Variants in GLG1 observed in about 807,000 individuals in gnomAD.
GLG1 encodes the protein golgi glycoprotein 1, also known as Golgi apparatus protein 1.
A neutral mutation model predicts 160.5 loss-of-function variants in GLG1; 38 were observed. The observed-to-expected ratio is 0.24, with a 90% CI of 0.18 to 0.31. The LOEUF (loss-of-function observed/expected upper bound fraction) is 0.31. Among genes scored for constraint, GLG1 ranks in the 10% least tolerant of loss-of-function variants. The pLI is 1.00. For synonymous variants in GLG1, 644 were observed against 543.4 expected, an observed-to-expected ratio of 1.19 and a Z score of -2.57; for missense variants, 1,373 against 1,505.2, an observed-to-expected ratio of 0.91 and a Z score of 1.45.
chr16:74,574,093 T>A (rs1275296394), intron 1 of GLG1, among the ~76,000 whole-genome samples: 1 of 152,200 alleles, frequency 6.6e-6, no homozygotes, highest in African/African-American at 2.4e-5. Flanking sequence ...ACACTTATTA[T>A]CTCTGTAATA....
intron 1 of GLG1, among the ~76,000 whole-genome samples, chr16:74,556,438 T>G (rs931914251): frequency 1.7e-4 from 26 of 152,170 alleles, no homozygotes; most frequent in African/African-American, 6.3e-4. Flanking sequence ...ACAATTTATT[T>G]AAACCAACTT....
At chr16:74,510,254 C>T (rs2143499272) in intron 2 of GLG1, among the ~76,000 whole-genome samples, 1 of 152,182 alleles carries the variant, frequency 6.6e-6, no homozygotes, top group South Asian at 2.1e-4. Context: ...TGGTCTTGAA[C>T]TCCTGCCCTC....
chr16:74,599,826 T>C (rs974054844), intron 1 of GLG1, among the ~76,000 whole-genome samples: 5 of 150,826 alleles, frequency 3.3e-5, no homozygotes, highest in African/African-American at 1.2e-4. Flanking sequence ...ATCGCGCCAC[T>C]GCACTCCAGC....
intron 1 of GLG1, among the ~76,000 whole-genome samples, chr16:74,597,234 C>T (rs1177486311): frequency 6.6e-6 from 1 of 151,480 alleles, no homozygotes; most frequent in Non-Finnish European, 1.5e-5. Context: ...AGATCAAGAC[C>T]AGCATGTCCA....
intron 4 of GLG1, among the ~76,000 whole-genome samples, 161 bp downstream of exon 4, chr16:74,503,370 C>G (rs1370375925): frequency 1.3e-5 from 2 of 152,144 alleles, no homozygotes; most frequent in African/African-American, 4.8e-5. Context: ...ACATGAAATA[C>G]ATTGTCAACC....
At chr16:74,542,013 C>G (rs1436002415) in intron 1 of GLG1, among the ~76,000 whole-genome samples, 1 of 142,166 alleles carries the variant, frequency 7.0e-6, no homozygotes, top group African/African-American at 2.6e-5. Flanking sequence ...TATTTTTCCC[C>G]CTTCCACTGT....
intron 1 of GLG1, among the ~76,000 whole-genome samples, chr16:74,584,927 C>CAACA (rs1447732752): frequency 8.3e-6 from 1 of 120,252 alleles, no homozygotes; most frequent in African/African-American, 3.3e-5. Flanking sequence ...AAACAAACAA[C>CAACA]AAAAAAACCC....
At chr16:74,595,260 G>C (rs549688432) in intron 1 of GLG1, among the ~76,000 whole-genome samples, 2 of 149,582 alleles carry the variant, frequency 1.3e-5, no homozygotes, top group South Asian at 4.3e-4. Context: ...GAAGGGCTCT[G>C]GGTGTGGTGG....
At chr16:74,479,071 A>AAAAAAAAAAAAAAAAAAAAAAAAAAAAAC (rs2015502367) in intron 11 of GLG1, among the ~76,000 whole-genome samples, 1 of 133,398 alleles carries the variant, frequency 7.5e-6, no homozygotes, top group Non-Finnish European at 1.6e-5. Context: ...AAAAAAAAAA[A>AAAAAAAAAAAAAAAAAAAAAAAAAAAAAC]AAAAAAAGCC....
At chr16:74,458,489 A>G (rs1186638770) in intron 23 of GLG1, among the ~76,000 whole-genome samples, 1 of 152,118 alleles carries the variant, frequency 6.6e-6, no homozygotes, top group African/African-American at 2.4e-5. Flanking sequence ...TGGGTAACAC[A>G]GCAAGACCCC....
intron 1 of GLG1, among the ~76,000 whole-genome samples, chr16:74,586,485 T>C (rs976373547): frequency 1.3e-5 from 2 of 152,014 alleles, no homozygotes; most frequent in South Asian, 4.2e-4. Context: ...AAAGATAATT[T>C]TTTTTTTGAG....
intron 1 of GLG1, among the ~76,000 whole-genome samples, chr16:74,578,782 C>G (rs1957869583): frequency 6.6e-6 from 1 of 152,192 alleles, no homozygotes; most frequent in Admixed American, 6.6e-5. Context: ...TTTTTAAAAT[C>G]TTCCCCAATA....
chr16:74,537,134 T>C (rs2017708425), intron 1 of GLG1, among the ~76,000 whole-genome samples: 1 of 152,166 alleles, frequency 6.6e-6, no homozygotes, highest in Non-Finnish European at 1.5e-5. Context: ...ATTGCATATA[T>C]TAGTATCAAT....
intron 25 of GLG1, among the ~76,000 whole-genome samples, chr16:74,453,673 C>G (rs1346763013): frequency 6.6e-6 from 1 of 152,154 alleles, no homozygotes; most frequent in Non-Finnish European, 1.5e-5. Flanking sequence ...AGCACTCACA[C>G]CAAGCCTAGC....
chr16:74,473,916 G>A (rs918223111), intron 13 of GLG1, among the ~76,000 whole-genome samples: 6 of 148,318 alleles, frequency 4.0e-5, no homozygotes, highest in African/African-American at 7.5e-5. Flanking sequence ...TGTGTAGATT[G>A]CTCTTGAATG....
chr16:74,468,099 G>A, intron 17 of GLG1: 1 of 360,996 alleles, frequency 2.8e-6, no homozygotes, highest in Non-Finnish European at 4.9e-6. Context: ...TCACAGGACT[G>A]CTGAGATGTG....
At chr16:74,472,180 A>G (rs1189062169) in intron 14 of GLG1, among the ~76,000 whole-genome samples, 169 bp downstream of exon 14, 1 of 152,166 alleles carries the variant, frequency 6.6e-6, no homozygotes, top group African/African-American at 2.4e-5. Flanking sequence ...GATTACAGGT[A>G]TTGGTCACCA....
chr16:74,588,759 C>A (rs995390815), intron 1 of GLG1, among the ~76,000 whole-genome samples: 1 of 152,234 alleles, frequency 6.6e-6, no homozygotes, highest in Admixed American at 6.6e-5. Context: ...AAAAATCTAT[C>A]TGATTCGTGG....
At position 74,462,628 on chromosome 16, in the gene GLG1, A is replaced by G; in HGVS notation, c.2794T>C (p.Tyr932His). The G allele has an allele frequency of 6.2e-7, 1 of 1,613,800 alleles. No individual in the cohort carries two copies. Residue 932 changes from tyrosine (Y) to histidine (H), a missense_variant and splice_region_variant, in exon 21 of 26, where the codon TAC becomes CAC. Tyr to His is a moderately conservative substitution (Grantham distance 83). This residue lies in a region of GLG1 where 491 missense variants were observed against 632.1 expected (regional missense o/e 0.78). Coordinates refer to ENST00000422840, the MANE Select transcript of GLG1 (RefSeq NM_001145667.2). ...TTTCTTAACATGGGGTTTAAGCGGT[A>G]ATCTAGAGTAGAAAGCAGTGAGCAT... Reference protein sequence around the residue: ...TKRQITQNTDYRLNPMLRKAC... With the variant: ...TKRQITQNTDHRLNPMLRKAC...
Sources: gnomAD v4.1 joint callset for allele counts (sites outside exome capture counted in the v4.1 genomes callset) on GRCh38, gnomAD v4.1.1 for gene constraint, gnomAD v4.1.1 regional missense constraint, MANE v1.5 for transcripts, NCBI Gene and HGNC (gene_info 2026-07-23, HGNC 2026-07-21) for gene names.